Variants in TENT5A observed in about 807,000 individuals in gnomAD.
The protein encoded by TENT5A is HBV X-transactivated gene 11 protein.
A neutral mutation model predicts 30.2 loss-of-function variants in TENT5A; 9 were observed. That is an observed-to-expected ratio of 0.30 (90% CI 0.18 to 0.52). The LOEUF (loss-of-function observed/expected upper bound fraction) is 0.52, where lower values mean the gene tolerates loss of function less well. Among genes scored for constraint, TENT5A ranks in the 20% least tolerant of loss-of-function variants. TENT5A has a pLI of 0.97. For synonymous variants in TENT5A, 264 were observed against 234.2 expected, an observed-to-expected ratio of 1.13 and a Z score of -1.16; for missense variants, 411 against 566.1, an observed-to-expected ratio of 0.73 and a Z score of 2.78.
Position 81,746,078 on chromosome 6 carries a change from GA to G in TENT5A, c.*3616del. ...TTGTACTTTACCATTTGCTTTGTTA[GA>G]AAGCCATTATTTTAACAAAATATAA... is the stretch of plus-strand genomic sequence containing the variant. On this transcript the variant is annotated 3_prime_UTR_variant, in exon 3 of 3. Coordinates refer to ENST00000320172, the MANE Select transcript of TENT5A (RefSeq NM_017633.3). The G allele has an allele frequency of 1.0e-6, 1 of 984,638 alleles. No individual in the cohort carries two copies. The highest frequency in any genetic ancestry group is 4.7e-5 in the South Asian group (1 of 21,262). 61.0% of individuals were successfully genotyped at this position (984,638 alleles called of 1,614,324 possible).
At position 81,752,663 on chromosome 6, in the gene TENT5A, G is replaced by A. The variant is rs907967613; in HGVS notation, c.-270C>T. On this transcript the variant is annotated 5_prime_UTR_variant, in exon 1 of 3. Coordinates refer to ENST00000320172, the MANE Select transcript of TENT5A (RefSeq NM_017633.3). The stretch of plus-strand genomic sequence containing the variant: ...TGCTGCCACACACGCTCGTGTCTCT[G>A]GAGCTTTAGCAGTTGTGCGGGGAAA... 5 of 717,652 alleles carry A rather than the reference G, an allele frequency of 7.0e-6. No homozygotes were observed. The highest frequency in any genetic ancestry group is 3.5e-5 in the African/African-American group (2 of 57,172). 44.5% of individuals were successfully genotyped at this position (717,652 alleles called of 1,614,324 possible). A position where few individuals can be genotyped will look rare whatever the true frequency, so the allele number is the denominator to read the frequency against.
chr6:81,746,263 A>T lies in TENT5A; in HGVS notation c.*3432T>A. ...ACAACAACAAAAAAGCTTATTTTTG[A>T]ACTGACAGCTTTCAACATAATACAT... On this transcript the variant is annotated 3_prime_UTR_variant, in exon 3 of 3. Transcript: ENST00000320172. 1 of 1,176,666 alleles carries T rather than the reference A, an allele frequency of 8.5e-7. No individual in the cohort carries two copies. Among genetic ancestry groups the T allele is most frequent in the Non-Finnish European group, 1.0e-6 (1 of 953,922 alleles). The allele number at this position is 1,176,666 out of a possible 1,614,324, so 72.9% of individuals were successfully genotyped here. A position where few individuals can be genotyped will look rare whatever the true frequency, so the allele number is the denominator to read the frequency against.
In TENT5A at chr6:81,751,096, G is replaced by A. The variant is rs186849722; in HGVS notation, c.552+494C>T. Among the ~76,000 whole-genome samples, 56 of 152,330 alleles carry A rather than the reference G, an allele frequency of 3.7e-4. No homozygotes were observed. The East Asian group carries it at 0.01, about 28-fold the overall frequency. The stretch of plus-strand genomic sequence containing the variant: ...CCCTTAACATATGAACCAGCACGAA[G>A]AACCACCAGATAGACCTTTAACACG... On this transcript the variant is annotated intron_variant, in intron 2 of 2. Transcript: ENST00000320172.
At position 81,746,785 on chromosome 6, in the gene TENT5A, G is replaced by A. The variant is rs1232665279; in HGVS notation, c.*2910C>T. On this transcript the variant is annotated 3_prime_UTR_variant, in exon 3 of 3. Coordinates refer to ENST00000320172, the MANE Select transcript of TENT5A (RefSeq NM_017633.3). ...GTTCTTTTCTCTGACCTATACACAT[G>A]GCTCTCTCTCACCAGACATTCAAAT... 3 of 1,209,170 alleles carry A rather than the reference G, an allele frequency of 2.5e-6. No homozygotes were observed. Among genetic ancestry groups the A allele is most frequent in the African/African-American group, 3.1e-5 (2 of 63,932 alleles). The allele number at this position is 1,209,170 out of a possible 1,614,324, so 74.9% of individuals were successfully genotyped here.
rs142086743 is a variant in TENT5A at position 81,751,906 on chromosome 6, C to T, written c.236G>A (p.Ser79Asn). 402 of 1,613,226 alleles carry T rather than the reference C, an allele frequency of 2.5e-4. 2 individuals are homozygous for T. The African/African-American group carries it at 4.7e-3, about 19-fold the overall frequency. Residue 79 changes from serine (S) to asparagine (N), a missense_variant, in exon 2 of 3, where the codon AGC becomes AAC. Around this residue, in one of 5 missense-constraint regions of TENT5A, gnomAD observed 157 missense variants for 183.2 expected, o/e 0.86. Coordinates refer to ENST00000320172, the MANE Select transcript of TENT5A (RefSeq NM_017633.3). ...EQVQRLDGIL[S>N]ETIPIHGRGN... ...GCGCCCGTGAATCGGAATGGTCTCG[C>T]TCAGGATGCCGTCCAGCCGCTGCAC... is the stretch of plus-strand genomic sequence containing the variant.
rs1435157704 is a variant in TENT5A at position 81,750,729 on chromosome 6, G to C, written c.553-258C>G. Among the ~76,000 whole-genome samples the C allele has an allele frequency of 6.6e-6, 1 of 152,192 alleles. No individual in the cohort carries two copies. Among genetic ancestry groups the C allele is most frequent in the Non-Finnish European group, 1.5e-5 (1 of 68,036 alleles). ...TGGCAGACGTAGCACAGTAGTAAGA[G>C]GTTTTGTTGTCATGTCTGACTTTTT... On this transcript the variant is annotated intron_variant, in intron 2 of 2. Transcript: ENST00000320172. The surrounding 1 kb of genome is among the most constrained non-coding windows in gnomAD (Gnocchi z 4.2).
chr6:81,752,208 G>C, intron 1 of TENT5A, 30 bp from the exon 2 acceptor site: 2 of 1,474,508 alleles, frequency 1.4e-6, no homozygotes, highest in Non-Finnish European at 9.0e-7. Context: ...AGCGCGGTGA[G>C]GACGCGCGGC....
At position 81,751,981 on chromosome 6, in the gene TENT5A, T is replaced by A; in HGVS notation, c.161A>T (p.Asp54Val). The stretch of plus-strand genomic sequence containing the variant: ...GTGCGCCGTAGGGCTTTCGCAATAG[T>A]CCAAGCAATGCCCACCGAAGCTGCC... ...GGGSFGGHCL[D>V]YCESPTAHCN... Residue 54 changes from aspartate to valine, a missense_variant, in exon 2 of 3, where the codon GAC becomes GTC. Transcript: ENST00000320172. 1 of 1,546,522 alleles carries A rather than the reference T, an allele frequency of 6.5e-7. No homozygotes were observed. Among genetic ancestry groups the A allele is most frequent in the Non-Finnish European group, 8.7e-7 (1 of 1,144,936 alleles).
Position 81,746,112 on chromosome 6 carries a change from ATTCT to A in TENT5A, c.*3579_*3582del. 7 of 980,632 alleles carry A rather than the reference ATTCT, an allele frequency of 7.1e-6. No homozygotes were observed. Among genetic ancestry groups the A allele is most frequent in the Non-Finnish European group, 8.5e-6 (7 of 824,572 alleles). 60.7% of individuals were successfully genotyped at this position (980,632 alleles called of 1,614,324 possible). ...TATTTTAACAAAATATAACATAGAG[ATTCT>A]TTCTTAGCACTGAAAATGCTATGCT... On this transcript the variant is annotated 3_prime_UTR_variant, in exon 3 of 3. Coordinates refer to ENST00000320172, the MANE Select transcript of TENT5A (RefSeq NM_017633.3).
rs1408536264 is a variant in TENT5A at position 81,750,408 on chromosome 6, G to A, written c.616C>T (p.Leu206=). The part of the protein sequence containing the change: ...NDSDRWSLIS[L]SNNSGKNVEL... The stretch of plus-strand genomic sequence containing the variant: ...ACATTTTTGCCACTGTTGTTTGACA[G>A]GGATATAAGACTCCATCGGTCAGAG... Residue 206 remains leucine (L), a synonymous_variant, in exon 3 of 3, where the codon CTG becomes TTG. Coordinates refer to ENST00000320172, the MANE Select transcript of TENT5A (RefSeq NM_017633.3). The surrounding 1 kb of genome is among the most constrained non-coding windows in gnomAD (Gnocchi z 4.2). The A allele has an allele frequency of 6.2e-7, 1 of 1,610,650 alleles. No homozygotes were observed. Among genetic ancestry groups the A allele is most frequent in the African/African-American group, 1.3e-5 (1 of 74,722 alleles).
Position 81,749,523 on chromosome 6 carries a change from A to G in TENT5A, c.*172T>C. On this transcript the variant is annotated 3_prime_UTR_variant, in exon 3 of 3. Transcript: ENST00000320172. ...AGGATCCTTTCGAGATCATGCTCCC[A>G]CATCTATTAAAAGATACATAAGCTT... 1.5e-6 allele frequency: 2 copies of G among 1,370,154 alleles called. No homozygotes were observed. Among genetic ancestry groups the G allele is most frequent in the South Asian group, 1.9e-5 (1 of 51,606 alleles). 84.9% of individuals were successfully genotyped at this position (1,370,154 alleles called of 1,614,324 possible). A position where few individuals can be genotyped will look rare whatever the true frequency, so the allele number is the denominator to read the frequency against.
chr6:81,749,689 T>G lies in TENT5A; in HGVS notation c.*6A>C. On this transcript the variant is annotated 3_prime_UTR_variant, in exon 3 of 3. Transcript: ENST00000320172. ...GGCTTCCCCACAGGACATTTTTAAA[T>G]GATTCTTAATTGCAGGGTAGCCAAG... is the stretch of plus-strand genomic sequence containing the variant. 3 of 1,605,280 alleles carry G rather than the reference T, an allele frequency of 1.9e-6. No homozygotes were observed. Among genetic ancestry groups the G allele is most frequent in the Non-Finnish European group, 2.6e-6 (3 of 1,174,096 alleles).
rs1562143138 is a variant in TENT5A at position 81,752,009 on chromosome 6, C to CGCCGCCG, written c.132_133insCGGCGGC (p.Gly45ArgfsTer151). 1.6e-4 allele frequency: 250 copies of CGCCGCCG among 1,609,302 alleles called. 1 individual carries two copies. Among genetic ancestry groups the CGCCGCCG allele is most frequent in the African/African-American group, 1.2e-3 (88 of 74,872 alleles). On this transcript the variant is annotated frameshift_variant, in exon 2 of 3. Coordinates refer to ENST00000320172, the MANE Select transcript of TENT5A (RefSeq NM_017633.3). LOFTEE classifies it high-confidence loss of function. ...AAGCAATGCCCACCGAAGCTGCCGC[C>CGCCGCCG]ACCGCCGAAGTCGCCGCCGCCGAAG...
chr6:81,746,223 C>A lies in TENT5A; in HGVS notation c.*3472G>T. Reference sequence around the variant, plus strand: ...TTTTTGGCTTTTTGGTTTCACCTAACACACTTCATCTTCAACAACAACAAA... The same window carrying A: ...TTTTTGGCTTTTTGGTTTCACCTAAAACACTTCATCTTCAACAACAACAAA... On this transcript the variant is annotated 3_prime_UTR_variant, in exon 3 of 3. Coordinates refer to ENST00000320172, the MANE Select transcript of TENT5A (RefSeq NM_017633.3). 1.8e-6 allele frequency: 2 copies of A among 1,119,212 alleles called. No individual in the cohort carries two copies. Among genetic ancestry groups the A allele is most frequent in the Non-Finnish European group, 2.2e-6 (2 of 917,400 alleles). The allele number at this position is 1,119,212 out of a possible 1,614,324, so 69.3% of individuals were successfully genotyped here.
In TENT5A at chr6:81,748,516, C is replaced by A; in HGVS notation, c.*1179G>T. On this transcript the variant is annotated 3_prime_UTR_variant, in exon 3 of 3. Transcript: ENST00000320172. ...GGATTTAATTCATCATTGCAATATG[C>A]CCACGTCTCATGTTATCCTGTTGAA... is the stretch of plus-strand genomic sequence containing the variant. 1 of 981,294 alleles carries A rather than the reference C, an allele frequency of 1.0e-6. No individual in the cohort carries two copies. Among genetic ancestry groups the A allele is most frequent in the Non-Finnish European group, 1.2e-6 (1 of 826,442 alleles). The allele number at this position is 981,294 out of a possible 1,614,324, so 60.8% of individuals were successfully genotyped here. A position where few individuals can be genotyped will look rare whatever the true frequency, so the allele number is the denominator to read the frequency against.
In TENT5A at chr6:81,748,919, A is replaced by C; in HGVS notation, c.*776T>G. ...TGTAACAAATATAATCTCTCTTCAT[A>C]TAGTCTACTATATCTCTTCTAATTG... is the stretch of plus-strand genomic sequence containing the variant. On this transcript the variant is annotated 3_prime_UTR_variant, in exon 3 of 3. Coordinates refer to ENST00000320172, the MANE Select transcript of TENT5A (RefSeq NM_017633.3). 1.0e-6 allele frequency: 1 copy of C among 984,614 alleles called. No homozygotes were observed. The highest frequency in any genetic ancestry group is 1.2e-6 in the Non-Finnish European group (1 of 828,834). 61.0% of individuals were successfully genotyped at this position (984,614 alleles called of 1,614,324 possible).
rs1235888152 is a variant in TENT5A, at chr6:81,747,932, GGATTT to G, written c.*1758_*1762del. On this transcript the variant is annotated 3_prime_UTR_variant, in exon 3 of 3. Coordinates refer to ENST00000320172, the MANE Select transcript of TENT5A (RefSeq NM_017633.3). ...TTTTTGTAAGAAAGAAAATAAAGTTGGATTTGATTTAATGGAAAGCGATTTAAAGT... is the reference window on the plus strand; with the variant it reads ...TTTTTGTAAGAAAGAAAATAAAGTTGGATTTAATGGAAAGCGATTTAAAGT... 15 of 984,836 alleles carry G rather than the reference GGATTT, an allele frequency of 1.5e-5. No individual in the cohort carries two copies. The highest frequency in any genetic ancestry group is 2.3e-4 in the East Asian group (2 of 8,810). The allele number at this position is 984,836 out of a possible 1,614,324, so 61.0% of individuals were successfully genotyped here.
rs1317609076 is a variant in TENT5A at position 81,750,235 on chromosome 6, G to A, written c.789C>T (p.Ser263=). ...AGGCTTCCTGGAAATCGCCATAGAC[G>A]CTCTCCCCGATTATTGTGGGGTGAA... ...ETFHPTIIGE[S]VYGDFQEAFD... The change falls in exon 3 of 3, where the codon AGC becomes AGT. Residue 263 remains serine, a synonymous_variant. Transcript: ENST00000320172. This position sits in a 1 kb window ranked among gnomAD's most constrained non-coding sequence, Gnocchi z 4.2. 3 of 1,614,112 alleles carry A rather than the reference G, an allele frequency of 1.9e-6. No homozygotes were observed. The highest frequency in any genetic ancestry group is 1.7e-5 in the Admixed American group (1 of 60,026).
Position 81,747,035 on chromosome 6 carries a change from T to G in TENT5A, c.*2660A>C, listed in dbSNP as rs1430419443. On this transcript the variant is annotated 3_prime_UTR_variant, in exon 3 of 3. Transcript: ENST00000320172. ...GTAAGCAAGAAAAGAATATAAATAT[T>G]TAAGAAAATAAATCAAAGTGTATTT... The G allele has an allele frequency of 1.0e-6, 1 of 984,118 alleles. No homozygotes were observed. Among genetic ancestry groups the G allele is most frequent in the Non-Finnish European group, 1.2e-6 (1 of 828,846 alleles). 61.0% of individuals were successfully genotyped at this position (984,118 alleles called of 1,614,324 possible).
Sources: allele counts gnomAD v4.1 joint callset (sites outside exome capture counted in the v4.1 genomes callset), GRCh38; gene constraint gnomAD v4.1.1; regional missense constraint gnomAD v4.1.1; non-coding constraint Gnocchi (gnomAD v3.1); transcripts MANE v1.5; gene names NCBI Gene and HGNC (gene_info 2026-07-23, HGNC 2026-07-21).